Variants in PAM observed in about 807,000 individuals in gnomAD.
The protein encoded by PAM is peptidyl-glycine alpha-amidating monooxygenase.
A neutral mutation model predicts 122.1 loss-of-function variants in PAM; 72 were observed. The observed-to-expected ratio is 0.59, with a 90% CI of 0.49 to 0.72. The LOEUF (loss-of-function observed/expected upper bound fraction) is 0.72. Among genes scored for constraint, PAM ranks in the 30% least tolerant of loss-of-function variants. The probability of loss-of-function intolerance (pLI) is 0.00; values close to 1 mark genes in which losing one functional copy is unlikely to be tolerated. For synonymous variants in PAM, 389 were observed against 404.4 expected, an observed-to-expected ratio of 0.96 and a Z score of 0.46; for missense variants, 1,106 against 1,183.7, an observed-to-expected ratio of 0.93 and a Z score of 0.96.
chr5:102,827,059 A>G (rs1479793346), intron 1 of PAM, among the ~76,000 whole-genome samples: 4 of 152,172 alleles, frequency 2.6e-5, no homozygotes, highest in Non-Finnish European at 5.9e-5. Flanking sequence ...TGAACCAGTT[A>G]GTTTGTTTGG....
intron 13 of PAM, among the ~76,000 whole-genome samples, chr5:102,960,379 A>G (rs1410383963): frequency 1.3e-5 from 2 of 151,972 alleles, no homozygotes; most frequent in African/African-American, 4.8e-5. Context: ...CCTAACCAGT[A>G]ATGACTTACA....
intron 3 of PAM, 99 bp downstream of exon 3, chr5:102,867,492 G>T: frequency 1.3e-6 from 1 of 763,912 alleles, no homozygotes; most frequent in Non-Finnish European, 2.1e-6. Context: ...TTCTTTAAAC[G>T]TAGGCATTTG....
chr5:102,829,273 T>G (rs947403473), intron 1 of PAM, among the ~76,000 whole-genome samples: 1 of 152,168 alleles, frequency 6.6e-6, no homozygotes, highest in African/African-American at 2.4e-5. Flanking sequence ...TTGCTAAATT[T>G]TGAAAATATG....
rs1554107232 is a variant in PAM at position 102,900,255 on chromosome 5, G to GTT, written c.211-1101_211-1100insTT. Among the ~76,000 whole-genome samples, 39 of 82,888 alleles carry GTT rather than the reference G, an allele frequency of 4.7e-4. 2 individuals are homozygous for GTT. The highest frequency in any genetic ancestry group is 1.9e-3 in the African/African-American group (38 of 20,140). 54.4% of individuals were successfully genotyped at this position (82,888 alleles called of 152,430 possible). A position where few individuals can be genotyped will look rare whatever the true frequency, so the allele number is the denominator to read the frequency against. ...TTCAGGTCTCTTAATGTGTGTGTGT[G>GTT]GGGGGGGGGCGGGGGGAAGAGGGTA... On this transcript the variant is annotated intron_variant, in intron 3 of 25. Transcript: ENST00000438793.
chr5:102,790,423 A>G (rs1761749308), intron 1 of PAM, among the ~76,000 whole-genome samples: 1 of 152,082 alleles, frequency 6.6e-6, no homozygotes. Context: ...ATCACAGCAG[A>G]GCTTGTAGCC....
intron 1 of PAM, among the ~76,000 whole-genome samples, chr5:102,758,463 A>T (rs1428476423): frequency 1.3e-5 from 2 of 152,224 alleles, no homozygotes; most frequent in Non-Finnish European, 2.9e-5. Flanking sequence ...TAATAGCCAT[A>T]AATGCTTCTT....
At position 102,881,505 on chromosome 5, in the gene PAM, A is replaced by T. The variant is rs118111696; in HGVS notation, c.210+14112A>T. Among the ~76,000 whole-genome samples the T allele has an allele frequency of 3.4e-3, 519 of 152,224 alleles. 9 individuals carry two copies. In the East Asian group the frequency reaches 0.037, roughly 11 times the overall value. On this transcript the variant is annotated intron_variant, in intron 3 of 25. Coordinates refer to ENST00000438793, the MANE Select transcript of PAM (RefSeq NM_001177306.2). Reference sequence around the variant, plus strand: ...TGCACTGCTACAAGCTTTTTAGGAAAGTAGAGTTATCTTCTAAAGTAAAAC... The same window carrying T: ...TGCACTGCTACAAGCTTTTTAGGAATGTAGAGTTATCTTCTAAAGTAAAAC...
At chr5:102,811,651 T>C (rs1382944805) in intron 1 of PAM, among the ~76,000 whole-genome samples, 1 of 152,210 alleles carries the variant, frequency 6.6e-6, no homozygotes, top group East Asian at 1.9e-4. Flanking sequence ...CTACCCGCCA[T>C]TGAAGGATAA....
intron 21 of PAM, 97 bp downstream of exon 21, chr5:103,009,963 CT>C (rs1780142799): frequency 2.1e-6 from 1 of 473,896 alleles, no homozygotes; most frequent in African/African-American, 2.0e-5. Context: ...TTTAGAAAAA[CT>C]TTTAAGAAGA....
At chr5:102,995,165 C>A (rs1198545901) in intron 16 of PAM, among the ~76,000 whole-genome samples, 1 of 152,092 alleles carries the variant, frequency 6.6e-6, no homozygotes, top group Non-Finnish European at 1.5e-5. Flanking sequence ...TCTTTCCTAC[C>A]TTAGGGTTTA....
intron 17 of PAM, 34 bp from the exon 18 acceptor site, chr5:103,005,120 A>G (rs752467670): frequency 3.2e-6 from 4 of 1,260,604 alleles, no homozygotes; most frequent in Non-Finnish European, 4.7e-6. Context: ...TTGAGAGTAA[A>G]TGTGTAATTA....
chr5:102,951,692 A>G (rs1291516025), intron 12 of PAM, among the ~76,000 whole-genome samples: 1 of 152,146 alleles, frequency 6.6e-6, no homozygotes, highest in Non-Finnish European at 1.5e-5. Context: ...AAAGGAAAGC[A>G]GGAGCATTTG....
intron 1 of PAM, among the ~76,000 whole-genome samples, chr5:102,762,972 G>C (rs1752811871): frequency 6.6e-6 from 1 of 152,190 alleles, no homozygotes; most frequent in Non-Finnish European, 1.5e-5. Context: ...TCTCTGCACA[G>C]ATAAATGTTT....
At chr5:102,952,860 T>G (rs894779735) in intron 12 of PAM, among the ~76,000 whole-genome samples, 1 of 152,048 alleles carries the variant, frequency 6.6e-6, no homozygotes, top group African/African-American at 2.4e-5. Flanking sequence ...CCCTCTTCTC[T>G]TTTCCCATCT....
At chr5:102,986,904 T>G (rs928396197) in intron 15 of PAM, among the ~76,000 whole-genome samples, 2 of 152,214 alleles carry the variant, frequency 1.3e-5, no homozygotes, top group Non-Finnish European at 2.9e-5. Context: ...CCACCATGAT[T>G]GTGAGGCCTC....
chr5:102,962,136 T>G (rs1762691723), intron 14 of PAM, among the ~76,000 whole-genome samples: 1 of 151,834 alleles, frequency 6.6e-6, no homozygotes, highest in South Asian at 2.1e-4. Flanking sequence ...TATGAATAGT[T>G]TTTACAAAAT....
At chr5:102,987,427 C>T (rs570218213) in intron 15 of PAM, 115 of 383,482 alleles carry the variant, frequency 3.0e-4, no homozygotes, top group Middle Eastern at 1.1e-3. Flanking sequence ...TAATGGGTAC[C>T]AACATGTAGA....
chr5:102,762,473 G>C (rs977194556), intron 1 of PAM, among the ~76,000 whole-genome samples: 3 of 152,008 alleles, frequency 2.0e-5, no homozygotes, highest in Non-Finnish European at 4.4e-5. Context: ...GAGACTTGCT[G>C]TTTATTGCAT....
intron 3 of PAM, among the ~76,000 whole-genome samples, chr5:102,888,508 C>T (rs1361775896): frequency 6.6e-6 from 1 of 151,874 alleles, no homozygotes; most frequent in African/African-American, 2.4e-5. Flanking sequence ...CCTTATCTCC[C>T]AAGGCCTTTT....
Sources: gnomAD v4.1 joint callset for allele counts (sites outside exome capture counted in the v4.1 genomes callset) on GRCh38, gnomAD v4.1.1 for gene constraint, MANE v1.5 for transcripts, NCBI Gene and HGNC (gene_info 2026-07-23, HGNC 2026-07-21) for gene names.